Variants in MYRIP observed in about 807,000 individuals in gnomAD.
The protein encoded by MYRIP is myosin VIIA and Rab interacting protein.
A neutral mutation model predicts 98.0 loss-of-function variants in MYRIP; 49 were observed. The ratio of observed to expected loss-of-function variants is 0.50; its 90% CI spans 0.40 to 0.63. MYRIP has a LOEUF of 0.63. MYRIP is among the 30% of genes least tolerant of loss of function. MYRIP has a pLI of 0.00. For missense variants in MYRIP, 1,004 were observed against 1,058.2 expected (o/e 0.95, Z 0.71); for synonymous variants, 404 against 409.5 (o/e 0.99, Z 0.16).
chr3:39,923,647 A>G (rs1944352446), intron 2 of MYRIP, among the ~76,000 whole-genome samples: 2 of 152,162 alleles, frequency 1.3e-5, no homozygotes, highest in South Asian at 4.1e-4. Flanking sequence ...GACCTTTGCT[A>G]AGGAAGTGAT....
intron 3 of MYRIP, among the ~76,000 whole-genome samples, chr3:40,097,057 A>G (rs1395848563): frequency 6.6e-6 from 1 of 152,228 alleles, no homozygotes; most frequent in Admixed American, 6.5e-5. Context: ...TGAAGCCTAG[A>G]CCTTGACTCA....
intron 16 of MYRIP, among the ~76,000 whole-genome samples, chr3:40,257,485 A>T (rs1953634947): frequency 6.6e-6 from 1 of 152,150 alleles, no homozygotes; most frequent in South Asian, 2.1e-4. Context: ...GATATAAATA[A>T]CTCTCATATG....
At chr3:40,216,354 G>A (rs1559459049) in intron 11 of MYRIP, among the ~76,000 whole-genome samples, 2 of 152,134 alleles carry the variant, frequency 1.3e-5, no homozygotes, top group African/African-American at 2.4e-5. Flanking sequence ...GCTGGGGAGA[G>A]GTAAGAGGAA....
chr3:40,023,311 C>T (rs1245554881), intron 2 of MYRIP, among the ~76,000 whole-genome samples: 1 of 152,152 alleles, frequency 6.6e-6, no homozygotes, highest in Non-Finnish European at 1.5e-5. Flanking sequence ...AAACAGAAAC[C>T]ATCTAAATAT....
intron 2 of MYRIP, among the ~76,000 whole-genome samples, chr3:39,929,446 A>C (rs370997668): frequency 5.9e-5 from 9 of 152,102 alleles, no homozygotes; most frequent in African/African-American, 2.2e-4. Context: ...AAAAAGAATA[A>C]AGTGCGACCA....
chr3:39,878,736 TGA>T (rs1943080807), intron 1 of MYRIP, among the ~76,000 whole-genome samples: 2 of 152,188 alleles, frequency 1.3e-5, no homozygotes, highest in African/African-American at 4.8e-5. Flanking sequence ...AAATTGACTT[TGA>T]TGAAAAATAC....
At chr3:39,943,111 A>T in intron 2 of MYRIP, among the ~76,000 whole-genome samples, 1 of 152,254 alleles carries the variant, frequency 6.6e-6, no homozygotes, top group Non-Finnish European at 1.5e-5. Context: ...CCCATGACTG[A>T]GACTGGGTTC....
intron 3 of MYRIP, among the ~76,000 whole-genome samples, chr3:40,135,493 G>C (rs1181460326): frequency 6.6e-6 from 1 of 152,176 alleles, no homozygotes; most frequent in East Asian, 1.9e-4. Flanking sequence ...CCCCAATCTA[G>C]CAAGGCAGGC....
chr3:40,124,993 CT>C (rs1187859487), intron 3 of MYRIP, among the ~76,000 whole-genome samples: 2 of 152,186 alleles, frequency 1.3e-5, no homozygotes, highest in Non-Finnish European at 2.9e-5. Context: ...GGTTATGGAA[CT>C]TCAGATTCCT....
intron 2 of MYRIP, among the ~76,000 whole-genome samples, chr3:39,925,778 G>A (rs1575384789): frequency 1.3e-5 from 2 of 152,110 alleles, no homozygotes; most frequent in African/African-American, 4.8e-5. Context: ...TGTGAATAGT[G>A]CTGCAATGAA....
intron 2 of MYRIP, among the ~76,000 whole-genome samples, chr3:39,940,814 T>G (rs1388639591): frequency 2.0e-5 from 3 of 152,142 alleles, no homozygotes; most frequent in African/African-American, 7.2e-5. Flanking sequence ...GGTTATAAAT[T>G]TATGACAATA....
chr3:40,020,524 C>G (rs1946968326), intron 2 of MYRIP, among the ~76,000 whole-genome samples: 1 of 152,144 alleles, frequency 6.6e-6, no homozygotes, highest in African/African-American at 2.4e-5. Context: ...CAGGAACAGA[C>G]AAGTGACCAA....
At chr3:39,916,412 A>AT (rs976294462) in intron 2 of MYRIP, among the ~76,000 whole-genome samples, 2 of 151,776 alleles carry the variant, frequency 1.3e-5, no homozygotes, top group African/African-American at 2.4e-5. Flanking sequence ...TGAGAACAAA[A>AT]AAAAAAAAAT....
chr3:39,931,708 T>G (rs910823251), intron 2 of MYRIP, among the ~76,000 whole-genome samples: 30 of 152,180 alleles, frequency 2.0e-4, no homozygotes, highest in African/African-American at 7.0e-4. Context: ...TTTGTGCTTT[T>G]ATTTTGAAAG....
At chr3:40,146,871 C>T (rs1950022111) in intron 3 of MYRIP, among the ~76,000 whole-genome samples, 1 of 152,188 alleles carries the variant, frequency 6.6e-6, no homozygotes, top group Non-Finnish European at 1.5e-5. Context: ...TGAAAGAACA[C>T]TCATCTAATG....
chr3:40,016,012 G>A (rs531594439), intron 2 of MYRIP, among the ~76,000 whole-genome samples: 54 of 152,030 alleles, frequency 3.6e-4, no homozygotes, highest in Admixed American at 3.1e-3. Flanking sequence ...GGCAAAGGTG[G>A]CCATGCCCTC....
chr3:40,129,330 A>G (rs1949587171), intron 3 of MYRIP, among the ~76,000 whole-genome samples: 2 of 150,102 alleles, frequency 1.3e-5, no homozygotes, highest in South Asian at 4.3e-4. Flanking sequence ...AATCCCAGCT[A>G]CTCAGGAGGC....
chr3:39,942,189 A>T (rs572857679), intron 2 of MYRIP, among the ~76,000 whole-genome samples: 1 of 152,238 alleles, frequency 6.6e-6, no homozygotes, highest in East Asian at 1.9e-4. Flanking sequence ...CAGAGTTGGA[A>T]ATGTGTGTTC....
chr3:39,849,026 C>A (rs986107063), intron 1 of MYRIP, among the ~76,000 whole-genome samples: 1 of 152,180 alleles, frequency 6.6e-6, no homozygotes. Flanking sequence ...TCTTCCAGTT[C>A]TGTGAGTCTC....
Sources: gnomAD v4.1 joint callset for allele counts (sites outside exome capture counted in the v4.1 genomes callset) on GRCh38, gnomAD v4.1.1 for gene constraint, MANE v1.5 for transcripts, NCBI Gene and HGNC (gene_info 2026-07-23, HGNC 2026-07-21) for gene names.